Variants in CYRIB observed in about 807,000 individuals in gnomAD.
The protein encoded by CYRIB is CYFIP related Rac1 interactor B.
A neutral mutation model predicts 44.2 loss-of-function variants in CYRIB; 8 were observed. The observed-to-expected ratio is 0.18, with a 90% CI of 0.11 to 0.33. The LOEUF (loss-of-function observed/expected upper bound fraction) is 0.33, where lower values mean the gene tolerates loss of function less well. Among genes scored for constraint, CYRIB ranks in the 10% least tolerant of loss-of-function variants. CYRIB has a pLI of 1.00. For missense variants in CYRIB, 185 were observed against 382.8 expected (o/e 0.48, Z 4.31); for synonymous variants, 131 against 127.2 (o/e 1.03, Z -0.20).
At chr8:130,002,115 C>G (rs1367073756) in intron 1 of CYRIB, among the ~76,000 whole-genome samples, 2 of 152,116 alleles carry the variant, frequency 1.3e-5, no homozygotes, top group East Asian at 3.8e-4. Flanking sequence ...GTCATCTAAA[C>G]TTTGGTTTTC....
chr8:130,007,832 A>G (rs1166833770), intron 1 of CYRIB, among the ~76,000 whole-genome samples: 1 of 152,060 alleles, frequency 6.6e-6, no homozygotes, highest in Admixed American at 6.6e-5. Flanking sequence ...TCCATGCTCC[A>G]TAAAAGAAAG....
intron 1 of CYRIB, among the ~76,000 whole-genome samples, chr8:129,974,130 C>G (rs1476836188): frequency 6.6e-6 from 1 of 152,198 alleles, no homozygotes; most frequent in African/African-American, 2.4e-5. Context: ...GCCGACCCAA[C>G]ACTCCTCCCC....
chr8:129,924,195 T>G lies in CYRIB; in HGVS notation c.-50+15413A>C, dbSNP rs145048323. ...ATGAGGCTGAGATGGGAGGACTGCT[T>G]GAGACCAGGTCAAGACTGCAGTGAG... On this transcript the variant is annotated intron_variant, in intron 1 of 11. Transcript: ENST00000519824. Among the ~76,000 whole-genome samples, 65 of 143,820 alleles carry G rather than the reference T, an allele frequency of 4.5e-4. No individual in the cohort carries two copies. In the South Asian group the frequency reaches 9.7e-3, roughly 22 times the overall value. 94.4% of individuals were successfully genotyped at this position (143,820 alleles called of 152,430 possible). A position where few individuals can be genotyped will look rare whatever the true frequency, so the allele number is the denominator to read the frequency against.
chr8:129,862,869 G>C (rs1029822011), intron 4 of CYRIB, among the ~76,000 whole-genome samples: 6 of 152,128 alleles, frequency 3.9e-5, no homozygotes, highest in African/African-American at 1.4e-4. Flanking sequence ...CAGCTCCATA[G>C]ATACTTCAAC....
At chr8:129,998,175 C>G (rs2096825773) in intron 1 of CYRIB, among the ~76,000 whole-genome samples, 1 of 151,764 alleles carries the variant, frequency 6.6e-6, no homozygotes, top group African/African-American at 2.4e-5. Flanking sequence ...CTGCCCCTTC[C>G]AGAGCACTGT....
At chr8:129,931,528 A>G (rs1018163374) in intron 1 of CYRIB, among the ~76,000 whole-genome samples, 3 of 152,226 alleles carry the variant, frequency 2.0e-5, no homozygotes, top group African/African-American at 7.2e-5. Context: ...ATTAATCTCA[A>G]ATTTCCACCA....
intron 2 of CYRIB, among the ~76,000 whole-genome samples, chr8:129,950,663 G>C (rs1426070008): frequency 8.6e-5 from 13 of 151,850 alleles, no homozygotes; most frequent in African/African-American, 2.9e-4. Flanking sequence ...GAAAATTTAA[G>C]AGCTCAGTAA....
At chr8:129,971,431 T>C (rs2132199809) in intron 1 of CYRIB, among the ~76,000 whole-genome samples, 1 of 152,348 alleles carries the variant, frequency 6.6e-6, no homozygotes, top group South Asian at 2.1e-4. Flanking sequence ...CACTGAATTG[T>C]TTTGCAAACA....
intron 7 of CYRIB, 135 bp downstream of exon 9, chr8:129,854,131 C>T (rs1030106044): frequency 2.7e-5 from 19 of 698,808 alleles, no homozygotes; most frequent in Non-Finnish European, 2.0e-5. Context: ...TTTCCTCCTA[C>T]AGCTATGGCT....
At chr8:129,980,133 TAAA>T (rs1366894615) in intron 1 of CYRIB, among the ~76,000 whole-genome samples, 2 of 146,708 alleles carry the variant, frequency 1.4e-5, no homozygotes, top group Non-Finnish European at 3.0e-5. Flanking sequence ...CTTACATAGT[TAAA>T]ATTGTTTTTA....
intron 1 of CYRIB, among the ~76,000 whole-genome samples, chr8:129,997,285 G>C (rs1564722639): frequency 6.6e-6 from 1 of 152,140 alleles, no homozygotes; most frequent in African/African-American, 2.4e-5. Flanking sequence ...AGGATACCCT[G>C]TCCTCATTCA....
intron 1 of CYRIB, among the ~76,000 whole-genome samples, chr8:130,005,036 G>A (rs577913804): frequency 2.0e-5 from 3 of 152,042 alleles, no homozygotes; most frequent in Non-Finnish European, 2.9e-5. Flanking sequence ...CAAAGTGCTG[G>A]GATTACAGGC....
chr8:129,890,026 G>A (rs538971823), intron 2 of CYRIB, among the ~76,000 whole-genome samples: 3 of 152,042 alleles, frequency 2.0e-5, no homozygotes, highest in South Asian at 2.1e-4. Flanking sequence ...CACCCACCTC[G>A]GACTCCCAAA....
At chr8:129,971,627 C>G (rs1264474731) in intron 1 of CYRIB, among the ~76,000 whole-genome samples, 1 of 152,164 alleles carries the variant, frequency 6.6e-6, no homozygotes, top group Non-Finnish European at 1.5e-5. Flanking sequence ...GGGGCCAGCG[C>G]TATCCATGGA....
At chr8:129,847,369 CAGG>C (rs1399847426) in intron 10 of CYRIB, 2 of 152,858 alleles carry the variant, frequency 1.3e-5, no homozygotes, top group African/African-American at 2.4e-5. Flanking sequence ...GAGGCTGAGG[CAGG>C]AGAATGGCGT....
chr8:129,992,063 C>G (rs973595067), intron 1 of CYRIB, among the ~76,000 whole-genome samples: 4 of 150,674 alleles, frequency 2.7e-5, no homozygotes, highest in Admixed American at 2.0e-4. Flanking sequence ...CGCCCGTAAT[C>G]CCAGCACTTT....
chr8:129,945,445 T>C (rs1179101690), intron 2 of CYRIB, among the ~76,000 whole-genome samples: 4 of 152,206 alleles, frequency 2.6e-5, no homozygotes, highest in African/African-American at 4.8e-5. Context: ...CAGAGAAAAC[T>C]TGTAAAATGC....
At chr8:129,946,438 T>C (rs2094146935) in intron 2 of CYRIB, among the ~76,000 whole-genome samples, 1 of 152,162 alleles carries the variant, frequency 6.6e-6, no homozygotes, top group African/African-American at 2.4e-5. Context: ...ATTTCCACCA[T>C]AGTCAGGGAC....
chr8:130,008,265 T>A (rs1364428669), intron 1 of CYRIB: 2 of 153,526 alleles, frequency 1.3e-5, no homozygotes, highest in East Asian at 3.9e-4. Flanking sequence ...CCTGCACACA[T>A]AGTCCAGAAA....
Sources: gnomAD v4.1 joint callset for allele counts (sites outside exome capture counted in the v4.1 genomes callset) on GRCh38, gnomAD v4.1.1 for gene constraint, MANE v1.5 for transcripts, NCBI Gene and HGNC (gene_info 2026-07-23, HGNC 2026-07-21) for gene names.